AIRIM: variants seen among roughly 807,000 people sequenced by gnomAD.
AIRIM encodes AFG2-interacting ribosome maturation factor.
chr1:37,686,448 T>A, the AIRIM span: 9 of 1,612,656 alleles, frequency 5.6e-6, no homozygotes, highest in Non-Finnish European at 6.8e-6. Context: ...TTGAGGAGGA[T>A]GGCTCTGCAA....
At chr1:37,685,195 G>T in the AIRIM span, among the ~76,000 whole-genome samples, 572 of 128,440 alleles carry the variant, frequency 4.5e-3, 16 homozygotes, top group African/African-American at 0.016. Flanking sequence ...TTTTTTTTGG[G>T]GGGGGGGGGT....
At chr1:37,681,876 T>TA in the AIRIM span, 10 of 152,296 alleles carry the variant, frequency 6.6e-5, no homozygotes, top group East Asian at 1.9e-4. Context: ...TTAGGTTTTT[T>TA]AAAAAAAGAC....
At chr1:37,687,059 AGTGTGTGT>A in the AIRIM span, among the ~76,000 whole-genome samples, 12,044 of 141,026 alleles carry the variant, frequency 0.085, 537 homozygotes, top group Admixed American at 0.12. Context: ...CCGTCTCAAA[AGTGTGTGT>A]GTGTGTGTGT....
the AIRIM span, chr1:37,686,525 A>G: frequency 6.9e-7 from 1 of 1,455,654 alleles, no homozygotes; most frequent in Non-Finnish European, 9.3e-7. Flanking sequence ...TTTTGGCACT[A>G]CTGATATTTT....
the AIRIM span, chr1:37,689,551 A>G: frequency 6.6e-7 from 1 of 1,519,980 alleles, no homozygotes; most frequent in Non-Finnish European, 8.9e-7. Flanking sequence ...GCTACATATA[A>G]AACACCTCGT....
the AIRIM span, chr1:37,683,299 G>A: frequency 6.2e-7 from 1 of 1,613,682 alleles, no homozygotes; most frequent in Non-Finnish European, 8.5e-7. Context: ...GAGACACAAA[G>A]GAAGAACACA....
the AIRIM span, among the ~76,000 whole-genome samples, chr1:37,688,771 G>C: frequency 6.6e-6 from 1 of 152,014 alleles, no homozygotes; most frequent in Admixed American, 6.6e-5. Flanking sequence ...GTAACTCTCA[G>C]CCTGGGCAAC....
At chr1:37,685,839 C>T in the AIRIM span, among the ~76,000 whole-genome samples, 4 of 152,214 alleles carry the variant, frequency 2.6e-5, no homozygotes, top group Admixed American at 2.6e-4. Context: ...AAGGCCTTTG[C>T]ATTTGATGTT....
the AIRIM span, among the ~76,000 whole-genome samples, chr1:37,685,576 C>T: frequency 9.9e-5 from 15 of 152,030 alleles, 1 homozygote; most frequent in Admixed American, 7.2e-4. Context: ...TTTGTAGAGA[C>T]GGCGTTTCAC....
chr1:37,687,960 C>T, the AIRIM span, among the ~76,000 whole-genome samples: 1 of 151,578 alleles, frequency 6.6e-6, no homozygotes, highest in Admixed American at 6.6e-5. Flanking sequence ...TAGGCTCAAG[C>T]GATCCTCCTG....
At chr1:37,683,829 T>G in the AIRIM span, 1 of 166,170 alleles carries the variant, frequency 6.0e-6, no homozygotes, top group Non-Finnish European at 1.3e-5. Context: ...TGGAGATGCA[T>G]AGAATGAATT....
At chr1:37,689,991 A>T in the AIRIM span, 726 of 1,441,464 alleles carry the variant, frequency 5.0e-4, 1 homozygote, top group African/African-American at 8.2e-3. Flanking sequence ...TTCAGACAGG[A>T]GTTGTCTCAC....
chr1:37,687,043 G>A, the AIRIM span, among the ~76,000 whole-genome samples: 5,369 of 151,826 alleles, frequency 0.035, 328 homozygotes, highest in African/African-American at 0.12. Context: ...GTGACAGAGC[G>A]AGACTCCGTC....
the AIRIM span, chr1:37,690,481 T>A: frequency 8.0e-7 from 1 of 1,247,720 alleles, no homozygotes; most frequent in Non-Finnish European, 1.0e-6. Flanking sequence ...AGCCAAAGCG[T>A]GAGAACCCTC....
the AIRIM span, among the ~76,000 whole-genome samples, chr1:37,687,098 GTGTGTGTGTGTGTA>G: frequency 7.1e-6 from 1 of 140,178 alleles, no homozygotes; most frequent in African/African-American, 2.9e-5. Context: ...GTGTGTGTGT[GTGTGTGTGTGTGTA>G]TAGTTTTTGT....
the AIRIM span, among the ~76,000 whole-genome samples, chr1:37,685,355 G>A: frequency 6.7e-6 from 1 of 149,026 alleles, no homozygotes; most frequent in Non-Finnish European, 1.5e-5. Context: ...GACTATAGCT[G>A]CACACCATCA....
the AIRIM span, chr1:37,690,081 A>G: frequency 7.2e-7 from 1 of 1,384,956 alleles, no homozygotes; most frequent in East Asian, 2.6e-5. Context: ...CAGTGGCGCT[A>G]TCTCGGCTCA....
chr1:37,686,915 T>C, the AIRIM span, among the ~76,000 whole-genome samples: 1 of 151,748 alleles, frequency 6.6e-6, no homozygotes, highest in Non-Finnish European at 1.5e-5. Flanking sequence ...ATACAAAAAT[T>C]AGCCAGGTGT....
chr1:37,687,059 AGTGTGTGTGTGTGT>A, the AIRIM span, among the ~76,000 whole-genome samples: 3,533 of 141,324 alleles, frequency 0.025, 98 homozygotes, highest in East Asian at 0.11. Flanking sequence ...CCGTCTCAAA[AGTGTGTGTGTGTGT>A]GTGTGTGTGT....
Sources: allele counts gnomAD v4.1 joint callset (sites outside exome capture counted in the v4.1 genomes callset), GRCh38; gene constraint gnomAD v4.1.1; transcripts MANE v1.5; gene names NCBI Gene and HGNC (gene_info 2026-07-23, HGNC 2026-07-21).